TNS3: variants seen among roughly 807,000 people sequenced by gnomAD.
TNS3 encodes tensin 3, also known as tensin-3.
A neutral mutation model predicts 140.9 loss-of-function variants in TNS3; 45 were observed. That is an observed-to-expected ratio of 0.32 (90% CI 0.25 to 0.41). TNS3 has a LOEUF of 0.41. Ranked by LOEUF, TNS3 falls within the 10% of genes least tolerant of loss-of-function variation. The pLI, the probability that TNS3 is intolerant of heterozygous loss-of-function variation, is 1.00. For missense variants in TNS3, 1,716 were observed against 1,906.7 expected (o/e 0.90, Z 1.86); for synonymous variants, 815 against 788.4 (o/e 1.03, Z -0.56).
intron 21 of TNS3, among the ~76,000 whole-genome samples, chr7:47,304,605 T>C (rs1786633465): frequency 6.6e-6 from 1 of 151,916 alleles, no homozygotes; most frequent in Non-Finnish European, 1.5e-5. Context: ...CTGTATTTCC[T>C]GTATGTCCCT....
At chr7:47,339,317 A>G (rs1788811834) in intron 20 of TNS3, among the ~76,000 whole-genome samples, 1 of 152,196 alleles carries the variant, frequency 6.6e-6, no homozygotes, top group Non-Finnish European at 1.5e-5. Flanking sequence ...AAAAAATACT[A>G]TGTTTTACAT....
At chr7:47,571,506 G>GT in intron 1 of TNS3, among the ~76,000 whole-genome samples, 2 of 51,806 alleles carry the variant, frequency 3.9e-5, no homozygotes, top group East Asian at 6.4e-4. Context: ...AAAAGCTGGT[G>GT]TCCCCAGAGC....
rs920348291 is a variant in TNS3, at chr7:47,439,480, C to T, written c.150+7G>A. 9.9e-6 allele frequency: 16 copies of T among 1,613,206 alleles called. No homozygotes were observed. Among genetic ancestry groups the T allele is most frequent in the South Asian group, 2.2e-5 (2 of 90,844 alleles). ...CCCAAAGGCTCCCAGAGCCGCCCACCGCTCACCAGGTAGTTGTCCCCGTGC... is the reference window on the plus strand; with the variant it reads ...CCCAAAGGCTCCCAGAGCCGCCCACTGCTCACCAGGTAGTTGTCCCCGTGC... On this transcript the variant is annotated splice_region_variant and intron_variant, in intron 6 of 30. Coordinates refer to ENST00000311160, the MANE Select transcript of TNS3 (RefSeq NM_022748.12).
intron 10 of TNS3, among the ~76,000 whole-genome samples, chr7:47,421,242 G>A (rs1163607816): frequency 2.6e-5 from 4 of 152,194 alleles, no homozygotes; most frequent in Non-Finnish European, 5.9e-5. Flanking sequence ...CCATGATGCT[G>A]ATAATAAACC....
intron 3 of TNS3, among the ~76,000 whole-genome samples, chr7:47,502,566 C>G (rs1382830758): frequency 1.3e-5 from 2 of 152,204 alleles, no homozygotes; most frequent in East Asian, 3.9e-4. Flanking sequence ...AGCAAAGGCC[C>G]CCAGGGCAGC....
chr7:47,292,868 C>G lies in TNS3; in HGVS notation c.3810G>C (p.Thr1270=). 1 of 1,614,120 alleles carries G rather than the reference C, an allele frequency of 6.2e-7. No homozygotes were observed. Among genetic ancestry groups the G allele is most frequent in the Non-Finnish European group, 8.5e-7 (1 of 1,180,026 alleles). ...GCAGCTTGCACGGCAAGGCCAAGGG[C>G]GTGATGGAATGCTGGCACACCAAGG... The part of the protein sequence containing the change: ...LTALVCQHSI[T]PLALPCKLLI... The change falls in exon 26 of 31, where the codon ACG becomes ACC. Residue 1270 remains threonine, a synonymous_variant. Coordinates refer to ENST00000311160, the MANE Select transcript of TNS3 (RefSeq NM_022748.12).
intron 13 of TNS3, among the ~76,000 whole-genome samples, chr7:47,402,183 C>A (rs1238064250): frequency 6.6e-6 from 1 of 152,126 alleles, no homozygotes; most frequent in African/African-American, 2.4e-5. Context: ...CAGGCAGACC[C>A]AGAAGATGTT....
intron 4 of TNS3, chr7:47,453,326 T>C: frequency 1.1e-6 from 1 of 870,348 alleles, no homozygotes; most frequent in South Asian, 5.2e-5. Flanking sequence ...GGCTGTGCCT[T>C]CCTGGGGACT....
chr7:47,426,586 A>G (rs546608263), intron 9 of TNS3, among the ~76,000 whole-genome samples: 30 of 150,114 alleles, frequency 2.0e-4, no homozygotes, highest in African/African-American at 7.2e-4. Context: ...AACTGTCACA[A>G]CATTCTGGGA....
At chr7:47,393,285 A>C (rs574616047) in intron 16 of TNS3, among the ~76,000 whole-genome samples, 1 of 152,354 alleles carries the variant, frequency 6.6e-6, no homozygotes, top group Non-Finnish European at 1.5e-5. Context: ...ATGTAAAAGA[A>C]AGAAAGAAAA....
At chr7:47,412,367 C>T (rs532038457) in intron 12 of TNS3, among the ~76,000 whole-genome samples, 38 of 152,256 alleles carry the variant, frequency 2.5e-4, no homozygotes, top group African/African-American at 9.1e-4. Context: ...GCCTGTAATC[C>T]CAGCACTTTG....
At chr7:47,302,814 C>G in intron 22 of TNS3, 136 bp downstream of exon 22, 1 of 1,238,538 alleles carries the variant, frequency 8.1e-7, no homozygotes, top group Non-Finnish European at 1.1e-6. Flanking sequence ...GGAAAAGTAC[C>G]CCAACGGCTC....
intron 1 of TNS3, among the ~76,000 whole-genome samples, chr7:47,537,147 G>C (rs1799629656): frequency 6.6e-6 from 1 of 151,996 alleles, no homozygotes; most frequent in African/African-American, 2.4e-5. Flanking sequence ...GCTCGGCCGG[G>C]CGAGGGTGGC....
chr7:47,365,175 G>A (rs1325509302), intron 17 of TNS3, among the ~76,000 whole-genome samples: 2 of 152,128 alleles, frequency 1.3e-5, no homozygotes, highest in Admixed American at 6.5e-5. Flanking sequence ...GGCTGGGCGC[G>A]GTGGCTCATG....
chr7:47,498,945 G>A (rs1177539319), intron 3 of TNS3, among the ~76,000 whole-genome samples: 2 of 152,242 alleles, frequency 1.3e-5, no homozygotes, highest in Non-Finnish European at 2.9e-5. Flanking sequence ...AGCTGGTGTC[G>A]CCCAGCTGAC....
Position 47,413,581 on chromosome 7 carries a change from T to G in TNS3, c.647+356A>C, listed in dbSNP as rs139829584. Reference sequence around the variant, plus strand: ...AAAACACACTTGAACATCCTCGGATTTGGTAATCAAAGGGGGTCCTGGAAT... The same window carrying G: ...AAAACACACTTGAACATCCTCGGATGTGGTAATCAAAGGGGGTCCTGGAAT... On this transcript the variant is annotated intron_variant, in intron 12 of 30. Coordinates refer to ENST00000311160, the MANE Select transcript of TNS3 (RefSeq NM_022748.12). 3.6e-3 allele frequency among the ~76,000 whole-genome samples: 539 copies of G among 151,828 alleles called. 3 individuals carry two copies. Among genetic ancestry groups the G allele is most frequent in the African/African-American group, 0.012 (508 of 41,410 alleles).
intron 16 of TNS3, among the ~76,000 whole-genome samples, chr7:47,375,475 C>G (rs1340903585): frequency 1.3e-5 from 2 of 152,230 alleles, no homozygotes; most frequent in Non-Finnish European, 2.9e-5. Context: ...AAATACAGAG[C>G]ATACATTCTT....
chr7:47,420,259 G>A (rs1417788594), intron 10 of TNS3, among the ~76,000 whole-genome samples: 4 of 152,136 alleles, frequency 2.6e-5, no homozygotes, highest in Admixed American at 6.5e-5. Flanking sequence ...GGCTCTTTCC[G>A]CACGCACTAG....
chr7:47,506,474 C>A (rs1018941511), intron 3 of TNS3, among the ~76,000 whole-genome samples: 2 of 151,944 alleles, frequency 1.3e-5, no homozygotes, highest in African/African-American at 2.4e-5. Flanking sequence ...CCCAGGTTTC[C>A]GTGGCAGCTG....
Sources: allele counts gnomAD v4.1 joint callset (sites outside exome capture counted in the v4.1 genomes callset), GRCh38; gene constraint gnomAD v4.1.1; transcripts MANE v1.5; gene names NCBI Gene and HGNC (gene_info 2026-07-23, HGNC 2026-07-21).